The following BRIP1 variants were observed in gnomAD, a reference collection of about 807,000 sequenced individuals.
BRIP1 encodes the protein BRCA1 interacting DNA helicase 1.
BRIP1 carries 88 observed loss-of-function variants against 119.7 expected under a neutral mutation model. That is an observed-to-expected ratio of 0.74 (90% CI 0.62 to 0.88). The LOEUF (loss-of-function observed/expected upper bound fraction) is 0.88, where lower values mean the gene tolerates loss of function less well. Among genes scored for constraint, BRIP1 ranks in the 40% least tolerant of loss-of-function variants. The pLI, the probability that BRIP1 is intolerant of heterozygous loss-of-function variation, is 0.00. For synonymous variants in BRIP1, 443 were observed against 496.5 expected (o/e 0.89, Z 1.43); for missense variants, 1,259 against 1,455.4 (o/e 0.87, Z 2.20).
Position 61,824,662 on chromosome 17 carries a change from G to T in BRIP1, c.628-15905C>A, listed in dbSNP as rs922300602. Among the ~76,000 whole-genome samples the T allele has an allele frequency of 1.3e-5, 2 of 152,086 alleles. No homozygotes were observed. Among genetic ancestry groups the T allele is most frequent in the African/African-American group, 2.4e-5 (1 of 41,412 alleles). ...TATATGGAAAAATTAACTCTACATG[G>T]ATCAAAACCTTAAATATAAAAGCTA... On this transcript the variant is annotated intron_variant, in intron 6 of 19. Coordinates refer to ENST00000259008, the MANE Select transcript of BRIP1 (RefSeq NM_032043.3). This position sits in a 1 kb window ranked among gnomAD's most constrained non-coding sequence, Gnocchi z 4.3.
intron 11 of BRIP1, among the ~76,000 whole-genome samples, chr17:61,782,563 G>A (rs1056321248): frequency 6.6e-6 from 1 of 152,078 alleles, no homozygotes; most frequent in African/African-American, 2.4e-5. Flanking sequence ...ATGAATAAAT[G>A]AAAAAACAAC....
Position 61,734,112 on chromosome 17 carries a change from C to T in BRIP1, c.2379+8901G>A, listed in dbSNP as rs1452130370. ...TTTTAAAACCTAAATATATTTGTACCTTATCATATCTCACAAACTATGTCC... is the reference window on the plus strand; with the variant it reads ...TTTTAAAACCTAAATATATTTGTACTTTATCATATCTCACAAACTATGTCC... On this transcript the variant is annotated intron_variant, in intron 16 of 19. Transcript: ENST00000259008. The surrounding 1 kb of genome is among the most constrained non-coding windows in gnomAD (Gnocchi z 5.2). Among the ~76,000 whole-genome samples the T allele has an allele frequency of 6.6e-6, 1 of 151,926 alleles. No homozygotes were observed. The highest frequency in any genetic ancestry group is 2.4e-5 in the African/African-American group (1 of 41,360).
At chr17:61,820,297 T>C (rs2078301141) in intron 6 of BRIP1, among the ~76,000 whole-genome samples, 1 of 152,162 alleles carries the variant, frequency 6.6e-6, no homozygotes, top group Non-Finnish European at 1.5e-5. Flanking sequence ...AAAATAAACT[T>C]ACTTAGTAGC....
chr17:61,711,315 T>C (rs1238628936), intron 17 of BRIP1, among the ~76,000 whole-genome samples: 1 of 152,130 alleles, frequency 6.6e-6, no homozygotes, highest in Non-Finnish European at 1.5e-5. Flanking sequence ...TTGAGTATAA[T>C]GACTAAAAGT....
rs1603285140 is a variant in BRIP1 at position 61,700,398 on chromosome 17, C to G, written c.2493-6886G>C. Among the ~76,000 whole-genome samples the G allele has an allele frequency of 6.6e-6, 1 of 152,038 alleles. No homozygotes were observed. The highest frequency in any genetic ancestry group is 1.5e-5 in the Non-Finnish European group (1 of 68,006). On this transcript the variant is annotated intron_variant, in intron 17 of 19. Transcript: ENST00000259008. The surrounding 1 kb of genome is among the most constrained non-coding windows in gnomAD (Gnocchi z 4.1). ...AGGACAAGTTTGCTACAGAGTAATT[C>G]TCTTGGTTTTTGTTTATTTGGGAAT...
Position 61,700,859 on chromosome 17 carries a change from T to C in BRIP1, c.2493-7347A>G, listed in dbSNP as rs894405943. On this transcript the variant is annotated intron_variant, in intron 17 of 19. Coordinates refer to ENST00000259008, the MANE Select transcript of BRIP1 (RefSeq NM_032043.3). The surrounding 1 kb of genome is among the most constrained non-coding windows in gnomAD (Gnocchi z 4.1). ...TTCTTCATTCTTTTTCTTTCTGTTC[T>C]TCAGAGTAAATAATCTCAATTGATG... Among the ~76,000 whole-genome samples the C allele has an allele frequency of 6.6e-6, 1 of 152,190 alleles. No individual in the cohort carries two copies. The highest frequency in any genetic ancestry group is 1.5e-5 in the Non-Finnish European group (1 of 68,038).
rs1416637160 is a variant in BRIP1, at chr17:61,803,664, T to C, written c.919-2190A>G. Reference sequence around the variant, plus strand: ...TATGTGCATTAATAAAAAAATAAAATGTTTGATAAAACCCAGCCCTAACAA... The same window carrying C: ...TATGTGCATTAATAAAAAAATAAAACGTTTGATAAAACCCAGCCCTAACAA... On this transcript the variant is annotated intron_variant, in intron 7 of 19. Coordinates refer to ENST00000259008, the MANE Select transcript of BRIP1 (RefSeq NM_032043.3). The surrounding 1 kb of genome is among the most constrained non-coding windows in gnomAD (Gnocchi z 4.3). Among the ~76,000 whole-genome samples the C allele has an allele frequency of 6.6e-6, 1 of 152,098 alleles. No homozygotes were observed. Among genetic ancestry groups the C allele is most frequent in the Non-Finnish European group, 1.5e-5 (1 of 68,014 alleles).
intron 10 of BRIP1, among the ~76,000 whole-genome samples, chr17:61,787,522 C>G (rs7215102): frequency 0.99 from 144,160 of 145,778 alleles, 71,302 homozygotes; most frequent in East Asian, 1. Context: ...GTGAATTATA[C>G]CTCAATAGAG....
intron 16 of BRIP1, among the ~76,000 whole-genome samples, chr17:61,718,414 G>A (rs1232643568): frequency 6.6e-6 from 1 of 152,102 alleles, no homozygotes; most frequent in Non-Finnish European, 1.5e-5. Context: ...CTGGCTGCTG[G>A]GAACTCAAAC....
chr17:61,763,303 A>C (rs1171449729), intron 14 of BRIP1, among the ~76,000 whole-genome samples: 1 of 151,956 alleles, frequency 6.6e-6, no homozygotes, highest in African/African-American at 2.4e-5. Flanking sequence ...CTGGTATGGG[A>C]ATGTGGGGAA....
Position 61,743,072 on chromosome 17 carries a change from CATCTGAG to C in BRIP1, c.2313_2319del (p.Phe771LeufsTer8), listed in dbSNP as rs758128094. The C allele has an allele frequency of 6.2e-7, 1 of 1,613,828 alleles. No homozygotes were observed. Among genetic ancestry groups the C allele is most frequent in the Non-Finnish European group, 8.5e-7 (1 of 1,179,906 alleles). Reference sequence around the variant, plus strand: ...ATTGTTATGACAGCACGGGCATTGTCATCTGAGAAATCCAGACCCTCACTCACTTTAC... The same window carrying C: ...ATTGTTATGACAGCACGGGCATTGTCAAATCCAGACCCTCACTCACTTTAC... On this transcript the variant is annotated frameshift_variant, in exon 16 of 20. Coordinates refer to ENST00000259008, the MANE Select transcript of BRIP1 (RefSeq NM_032043.3). LOFTEE classifies it high-confidence loss of function. This position sits in a 1 kb window ranked among gnomAD's most constrained non-coding sequence, Gnocchi z 4.3.
intron 14 of BRIP1, among the ~76,000 whole-genome samples, chr17:61,765,425 T>TATATATA (rs2077357815): frequency 3.8e-5 from 1 of 26,216 alleles, no homozygotes; most frequent in Non-Finnish European, 7.7e-5. Flanking sequence ...ATATATATAT[T>TATATATA]TTTTTTTTTT....
chr17:61,813,164 G>A (rs371689150), intron 6 of BRIP1, among the ~76,000 whole-genome samples: 45 of 151,722 alleles, frequency 3.0e-4, no homozygotes, highest in African/African-American at 8.7e-4. Context: ...GCAGGAGTAC[G>A]AAAACTAAGT....
In BRIP1 at chr17:61,683,905, C is replaced by A. The variant is rs2061318568; in HGVS notation, c.3141G>T (p.Leu1047Phe). ...AGGATTCACATTTATCAGTGAAGGG[C>A]AAAACAGTTTTACTTTCCATCTTCT... ...KTEKMESKTV[L>F]PFTDKCESSN... Residue 1047 changes from leucine to phenylalanine, a missense_variant, in exon 20 of 20, where the codon TTG becomes TTT. By Grantham distance (22) the Leu-to-Phe change is conservative. Around this residue, in one of 3 missense-constraint regions of BRIP1, gnomAD observed 753 missense variants for 891.8 expected, o/e 0.84. Coordinates refer to ENST00000259008, the MANE Select transcript of BRIP1 (RefSeq NM_032043.3). The surrounding 1 kb of genome is among the most constrained non-coding windows in gnomAD (Gnocchi z 4.7). 1 of 1,614,014 alleles carries A rather than the reference C, an allele frequency of 6.2e-7. No individual in the cohort carries two copies. The highest frequency in any genetic ancestry group is 8.5e-7 in the Non-Finnish European group (1 of 1,180,024).
rs984152353 is a variant in BRIP1, at chr17:61,810,167, C to G, written c.628-1410G>C. 2.0e-5 allele frequency among the ~76,000 whole-genome samples: 3 copies of G among 152,194 alleles called. No individual in the cohort carries two copies. The highest frequency in any genetic ancestry group is 4.4e-5 in the Non-Finnish European group (3 of 68,028). On this transcript the variant is annotated intron_variant, in intron 6 of 19. Coordinates refer to ENST00000259008, the MANE Select transcript of BRIP1 (RefSeq NM_032043.3). This position sits in a 1 kb window ranked among gnomAD's most constrained non-coding sequence, Gnocchi z 4.7. The stretch of plus-strand genomic sequence containing the variant: ...TAACAGCAGATTTCATTACAGAGTG[C>G]TGCCACATTAAATAGCCAGTTCCAA...
At chr17:61,698,386 T>C (rs2061560271) in intron 17 of BRIP1, among the ~76,000 whole-genome samples, 2 of 152,216 alleles carry the variant, frequency 1.3e-5, no homozygotes, top group South Asian at 2.1e-4. Flanking sequence ...TGGAACCTTA[T>C]ATTTTATGGA....
rs2144673820 is a variant in BRIP1, at chr17:61,742,968, C to T, written c.2379+45G>A. On this transcript the variant is annotated intron_variant, in intron 16 of 19. Transcript: ENST00000259008. The surrounding 1 kb of genome is among the most constrained non-coding windows in gnomAD (Gnocchi z 4.7). Reference sequence around the variant, plus strand: ...TCCCTGCAATTAACTTTATACAAAACCAATGACTCCTGTAATAATAAAACT... The same window carrying T: ...TCCCTGCAATTAACTTTATACAAAATCAATGACTCCTGTAATAATAAAACT... 1 of 1,608,360 alleles carries T rather than the reference C, an allele frequency of 6.2e-7. No individual in the cohort carries two copies. Among genetic ancestry groups the T allele is most frequent in the Non-Finnish European group, 8.5e-7 (1 of 1,175,364 alleles).
chr17:61,833,995 G>A (rs1357073594), intron 6 of BRIP1, among the ~76,000 whole-genome samples: 2 of 152,058 alleles, frequency 1.3e-5, no homozygotes, highest in African/African-American at 4.8e-5. Flanking sequence ...CTGTTATAAC[G>A]CAAAAGTTCC....
rs1195081461 is a variant in BRIP1, at chr17:61,724,684, G to T, written c.2380-8621C>A. ...GCCTTCCTGAAAGCAATCAATAGAA[G>T]AATATAATTTTTTTCTTGTATGTAA... On this transcript the variant is annotated intron_variant, in intron 16 of 19. Transcript: ENST00000259008. The surrounding 1 kb of genome is among the most constrained non-coding windows in gnomAD (Gnocchi z 5.1). Among the ~76,000 whole-genome samples, 3 of 152,052 alleles carry T rather than the reference G, an allele frequency of 2.0e-5. No homozygotes were observed.
Sources: gnomAD v4.1 joint callset for allele counts (sites outside exome capture counted in the v4.1 genomes callset) on GRCh38, gnomAD v4.1.1 for gene constraint, gnomAD v4.1.1 regional missense constraint, Gnocchi (gnomAD v3.1) non-coding constraint, MANE v1.5 for transcripts, NCBI Gene and HGNC (gene_info 2026-07-23, HGNC 2026-07-21) for gene names.